The following B4GALT4 variants were observed in gnomAD, a reference collection of about 807,000 sequenced individuals.
B4GALT4 encodes beta-1,4-galactosyltransferase 4, also known as N-acetyllactosamine synthase.
B4GALT4 carries 27 observed loss-of-function variants against 37.3 expected under a neutral mutation model. The observed-to-expected ratio is 0.72, with a 90% CI of 0.53 to 1.00. The LOEUF (loss-of-function observed/expected upper bound fraction) is 1.00, where lower values mean the gene tolerates loss of function less well. B4GALT4 is among the 50% of genes least tolerant of loss of function. B4GALT4 has a pLI of 0.00. For missense variants in B4GALT4, 372 were observed against 413.1 expected, an observed-to-expected ratio of 0.90 and a Z score of 0.86; for synonymous variants, 148 against 154.1, an observed-to-expected ratio of 0.96 and a Z score of 0.29.
Position 119,216,355 on chromosome 3 carries a change from A to T in B4GALT4, c.798-11T>A. On this transcript the variant is annotated splice_polypyrimidine_tract_variant and intron_variant, in intron 6 of 7. Coordinates refer to ENST00000393765, the MANE Select transcript of B4GALT4 (RefSeq NM_003778.4). ...CTTTGGAGCTCAACCCTAGAAAAAT[A>T]ATAGAGATTTTTTTAAAGTCCATCC... is the stretch of plus-strand genomic sequence containing the variant. 6.2e-7 allele frequency: 1 copy of T among 1,604,154 alleles called. No homozygotes were observed. Among genetic ancestry groups the T allele is most frequent in the Non-Finnish European group, 8.5e-7 (1 of 1,175,510 alleles).
intron 5 of B4GALT4, 85 bp downstream of exon 5, chr3:119,223,973 G>T: frequency 3.0e-6 from 4 of 1,345,798 alleles, no homozygotes; most frequent in South Asian, 3.6e-5. Flanking sequence ...ATTTTCTTAT[G>T]ACACTCTGGA....
intron 1 of B4GALT4, among the ~76,000 whole-genome samples, chr3:119,238,440 T>A (rs576248107): frequency 1.3e-5 from 2 of 152,242 alleles, no homozygotes; most frequent in African/African-American, 4.8e-5. Flanking sequence ...GGAGTTTTCA[T>A]CAACAGAAAC....
chr3:119,213,489 A>G (rs943330166), intron 7 of B4GALT4: 34 of 152,264 alleles, frequency 2.2e-4, no homozygotes, highest in African/African-American at 8.2e-4. Context: ...TCATTTACAT[A>G]AAGTTGAAAA....
At chr3:119,234,566 AGTAT>A (rs1374825088) in intron 2 of B4GALT4, among the ~76,000 whole-genome samples, 1 of 152,108 alleles carries the variant, frequency 6.6e-6, no homozygotes, top group Non-Finnish European at 1.5e-5. Context: ...TCTTTTAATG[AGTAT>A]GTAATATTTT....
At position 119,233,998 on chromosome 3, in the gene B4GALT4, C is replaced by T. The variant is rs79947503; in HGVS notation, c.-146+2855G>A. Among the ~76,000 whole-genome samples, 1,388 of 152,314 alleles carry T rather than the reference C, an allele frequency of 9.1e-3. 43 individuals carry two copies. In the East Asian group the frequency reaches 0.13, roughly 14 times the overall value. The stretch of plus-strand genomic sequence containing the variant: ...AAGTGACTGGAGGCAACCCCTCTCA[C>T]CGTTGTGTCCCAGCTATAAAATGAT... On this transcript the variant is annotated intron_variant, in intron 2 of 7. Transcript: ENST00000393765.
chr3:119,226,476 A>C, intron 4 of B4GALT4: 1 of 309,610 alleles, frequency 3.2e-6, no homozygotes, highest in Non-Finnish European at 6.1e-6. Flanking sequence ...CTCATCATAT[A>C]GTGCATGGCA....
chr3:119,212,723 A>G (rs751556702), intron 7 of B4GALT4, 42 bp from the exon 8 acceptor site: 9 of 1,534,502 alleles, frequency 5.9e-6, no homozygotes, highest in African/African-American at 1.4e-5. Context: ...AGAATTTAAC[A>G]TATGTCTCCA....
intron 2 of B4GALT4, among the ~76,000 whole-genome samples, chr3:119,231,801 TAAA>T (rs533995663): frequency 0.034 from 4,834 of 143,666 alleles, 260 homozygotes; most frequent in African/African-American, 0.11. Flanking sequence ...TTATAAAATA[TAAA>T]ATAATATATT....
At chr3:119,229,367 G>A (rs1033341980) in intron 3 of B4GALT4, among the ~76,000 whole-genome samples, 9 of 152,168 alleles carry the variant, frequency 5.9e-5, no homozygotes, top group African/African-American at 9.7e-5. Context: ...TTCCTATGAC[G>A]GAATACTATA....
chr3:119,238,362 G>T (rs2079047132), intron 1 of B4GALT4, among the ~76,000 whole-genome samples: 1 of 151,772 alleles, frequency 6.6e-6, no homozygotes, highest in Non-Finnish European at 1.5e-5. Flanking sequence ...GTCACTGGTG[G>T]TCATCTCTTA....
rs910569200 is a variant in B4GALT4 at position 119,229,920 on chromosome 3, T to C, written c.180A>G (p.Gly60=). The C allele has an allele frequency of 1.9e-6, 3 of 1,614,082 alleles. No homozygotes were observed. The highest frequency in any genetic ancestry group is 3.3e-5 in the Admixed American group (2 of 60,000). Residue 60 remains glycine (G), a synonymous_variant, in exon 3 of 8, where the codon GGA becomes GGG. Transcript: ENST00000393765. ...NFHKTLILGK[G]KTLTNEASTK... ...TGGATGCTTCATTAGTCAGAGTTTT[T>C]CCCTTCCCCAAAATGAGGGTCTTAT...
chr3:119,217,799 C>T (rs1003508368), intron 6 of B4GALT4, among the ~76,000 whole-genome samples: 2 of 144,324 alleles, frequency 1.4e-5, no homozygotes, highest in African/African-American at 5.2e-5. Context: ...GTCGAGATCA[C>T]GTCACTGCAC....
Position 119,224,020 on chromosome 3 carries a change from C to G in B4GALT4, c.674+38G>C, listed in dbSNP as rs568527896. 28 of 1,565,250 alleles carry G rather than the reference C, an allele frequency of 1.8e-5. No individual in the cohort carries two copies. The South Asian group carries it at 2.1e-4, about 12-fold the overall frequency. On this transcript the variant is annotated intron_variant, in intron 5 of 7. Coordinates refer to ENST00000393765, the MANE Select transcript of B4GALT4 (RefSeq NM_003778.4). Reference sequence around the variant, plus strand: ...CCCAGTCTTGATCACAATAGTTGAGCTTCTCGACCTAAGCCACCCTCAGCA... The same window carrying G: ...CCCAGTCTTGATCACAATAGTTGAGGTTCTCGACCTAAGCCACCCTCAGCA...
Position 119,211,875 on chromosome 3 carries a change from G to A in B4GALT4, c.*674C>T, listed in dbSNP as rs1802160. 2.4e-6 allele frequency: 1 copy of A among 410,252 alleles called. No individual in the cohort carries two copies. Among genetic ancestry groups the A allele is most frequent in the Non-Finnish European group, 4.3e-6 (1 of 230,654 alleles). The allele number at this position is 410,252 out of a possible 1,614,324, so 25.4% of individuals were successfully genotyped here. ...CAAAAACTCTTTAAAAACTAATAGA[G>A]AATGTATTCTCTGGTGGGCATCACT... On this transcript the variant is annotated 3_prime_UTR_variant, in exon 8 of 8. Coordinates refer to ENST00000393765, the MANE Select transcript of B4GALT4 (RefSeq NM_003778.4).
rs573465962 is a variant in B4GALT4 at position 119,211,896 on chromosome 3, T to C, written c.*653A>G. 1 of 464,546 alleles carries C rather than the reference T, an allele frequency of 2.2e-6. No individual in the cohort carries two copies. The highest frequency in any genetic ancestry group is 3.8e-6 in the Non-Finnish European group (1 of 262,440). 28.8% of individuals were successfully genotyped at this position (464,546 alleles called of 1,614,324 possible). Reference sequence around the variant, plus strand: ...TAGAGAATGTATTCTCTGGTGGGCATCACTGGAAGGCATACCTGGGCAGGT... The same window carrying C: ...TAGAGAATGTATTCTCTGGTGGGCACCACTGGAAGGCATACCTGGGCAGGT... On this transcript the variant is annotated 3_prime_UTR_variant, in exon 8 of 8. Transcript: ENST00000393765.
intron 2 of B4GALT4, among the ~76,000 whole-genome samples, chr3:119,236,579 T>C (rs935472799): frequency 6.6e-6 from 1 of 152,230 alleles, no homozygotes; most frequent in African/African-American, 2.4e-5. Flanking sequence ...TTTGTATTCC[T>C]AGTGCCTCAA....
intron 6 of B4GALT4, among the ~76,000 whole-genome samples, chr3:119,216,598 G>A (rs918750418): frequency 1.3e-5 from 2 of 152,006 alleles, no homozygotes; most frequent in African/African-American, 4.8e-5. Flanking sequence ...ATTTATTACT[G>A]GGGTACAAAG....
Position 119,212,849 on chromosome 3 carries a change from G to A in B4GALT4, c.903-168C>T, listed in dbSNP as rs559820184. On this transcript the variant is annotated intron_variant, in intron 7 of 7. Transcript: ENST00000393765. Reference sequence around the variant, plus strand: ...CCCATTGAAGGTGACAGACATGATAGCCATGTATTCATGTGTCAGACTCCA... The same window carrying A: ...CCCATTGAAGGTGACAGACATGATAACCATGTATTCATGTGTCAGACTCCA... 379 of 646,556 alleles carry A rather than the reference G, an allele frequency of 5.9e-4. 1 individual carries two copies. Among genetic ancestry groups the A allele is most frequent in the Non-Finnish European group, 8.8e-4 (346 of 394,412 alleles). The allele number at this position is 646,556 out of a possible 1,614,324, so 40.1% of individuals were successfully genotyped here. A position where few individuals can be genotyped will look rare whatever the true frequency, so the allele number is the denominator to read the frequency against.
At chr3:119,216,181 C>A in intron 7 of B4GALT4, 59 bp downstream of exon 7, 2 of 1,350,816 alleles carry the variant, frequency 1.5e-6, no homozygotes, top group South Asian at 1.4e-5. Context: ...TCAACATAGT[C>A]CTTATTGACA....
Sources: gnomAD v4.1 joint callset for allele counts (sites outside exome capture counted in the v4.1 genomes callset) on GRCh38, gnomAD v4.1.1 for gene constraint, MANE v1.5 for transcripts, NCBI Gene and HGNC (gene_info 2026-07-23, HGNC 2026-07-21) for gene names.